The following SLC22A23 variants were observed in gnomAD, a reference collection of about 807,000 sequenced individuals.
SLC22A23 encodes the protein ion transporter protein.
Under a neutral mutation model 61.0 loss-of-function variants are expected in SLC22A23, and 26 were observed. The ratio of observed to expected loss-of-function variants is 0.43; its 90% confidence interval spans 0.31 to 0.59. The LOEUF is 0.59. Ranked by LOEUF, SLC22A23 falls within the 20% of genes least tolerant of loss-of-function variation. SLC22A23 has a pLI of 0.11. For missense variants in SLC22A23, 796 were observed against 934.7 expected (o/e 0.85, Z 1.94); for synonymous variants, 430 against 413.9 (o/e 1.04, Z -0.47).
intron 3 of SLC22A23, among the ~76,000 whole-genome samples, chr6:3,385,235 G>C (rs1216078322): frequency 6.6e-6 from 1 of 152,138 alleles, no homozygotes. Flanking sequence ...AAGATGGGCT[G>C]GGCACGGTGG....
chr6:3,371,667 G>C (rs1220903868), intron 3 of SLC22A23, among the ~76,000 whole-genome samples: 1 of 152,146 alleles, frequency 6.6e-6, no homozygotes, highest in East Asian at 1.9e-4. Context: ...CTAAGAATTA[G>C]ATACTGAAAC....
chr6:3,379,685 C>T (rs1407337108), intron 3 of SLC22A23, among the ~76,000 whole-genome samples: 1 of 152,142 alleles, frequency 6.6e-6, no homozygotes, highest in African/African-American at 2.4e-5. Flanking sequence ...ACCCTCGCTT[C>T]ATATCACCTT....
At chr6:3,401,679 G>A (rs1486581597) in intron 3 of SLC22A23, among the ~76,000 whole-genome samples, 1 of 152,112 alleles carries the variant, frequency 6.6e-6, no homozygotes, top group Non-Finnish European at 1.5e-5. Flanking sequence ...AACCAGCCTG[G>A]TCTGACTCTC....
At chr6:3,415,342 C>T (rs1260464993) in intron 2 of SLC22A23, among the ~76,000 whole-genome samples, 2 of 152,180 alleles carry the variant, frequency 1.3e-5, no homozygotes, top group Non-Finnish European at 2.9e-5. Context: ...CATTGCCTGA[C>T]TCATTCAGCT....
chr6:3,452,230 T>A (rs2127559978), intron 1 of SLC22A23, among the ~76,000 whole-genome samples: 1 of 152,296 alleles, frequency 6.6e-6, no homozygotes, highest in East Asian at 1.9e-4. Flanking sequence ...GAGGAGCATC[T>A]GTACCTGGTT....
intron 1 of SLC22A23, among the ~76,000 whole-genome samples, chr6:3,416,939 C>G (rs888494290): frequency 9.9e-5 from 15 of 152,136 alleles, no homozygotes; most frequent in African/African-American, 3.4e-4. Flanking sequence ...TGGGCTGACC[C>G]CTGATCCTAG....
At chr6:3,438,393 A>G (rs1026757486) in intron 1 of SLC22A23, 1 of 389,462 alleles carries the variant, frequency 2.6e-6, no homozygotes, top group Non-Finnish European at 5.1e-6. Flanking sequence ...CAGATGTTTC[A>G]CTGGGACTAG....
At chr6:3,277,582 G>A (rs1028512629) in intron 9 of SLC22A23, among the ~76,000 whole-genome samples, 1 of 152,194 alleles carries the variant, frequency 6.6e-6, no homozygotes, top group Non-Finnish European at 1.5e-5. Context: ...GGACACTTGT[G>A]TAGCCCGAAG....
chr6:3,445,916 A>G (rs117670028), intron 1 of SLC22A23, among the ~76,000 whole-genome samples: 2 of 152,256 alleles, frequency 1.3e-5, no homozygotes, highest in East Asian at 3.9e-4. Context: ...GAAGGCTTCA[A>G]GCAGGGAAGT....
chr6:3,427,246 A>G lies in SLC22A23; in HGVS notation c.655-11391T>C, dbSNP rs9405641. 0.31 allele frequency among the ~76,000 whole-genome samples: 47,297 copies of G among 151,748 alleles called. 8,257 individuals carry two copies. Among genetic ancestry groups the G allele is most frequent in the East Asian group, 0.47 (2,433 of 5,136 alleles). On this transcript the variant is annotated intron_variant, in intron 1 of 9. Coordinates refer to ENST00000406686, the MANE Select transcript of SLC22A23 (RefSeq NM_015482.2). The surrounding 1 kb of genome is among the most constrained non-coding windows in gnomAD (Gnocchi z 4.3). ...ATAACATCGGGAATGCGCCTGGTGCAGTAACCGGCACAAAGTGATTATTAC... is the reference window on the plus strand; with the variant it reads ...ATAACATCGGGAATGCGCCTGGTGCGGTAACCGGCACAAAGTGATTATTAC...
At chr6:3,361,628 A>G (rs957334230) in intron 3 of SLC22A23, among the ~76,000 whole-genome samples, 60 of 152,368 alleles carry the variant, frequency 3.9e-4, no homozygotes, top group African/African-American at 1.4e-3. Flanking sequence ...GTCTCTCTGC[A>G]TCAGCAACAC....
intron 5 of SLC22A23, chr6:3,291,665 T>A (rs1760606581): frequency 6.6e-6 from 1 of 152,222 alleles, no homozygotes; most frequent in Non-Finnish European, 1.5e-5. Context: ...TCTCCATGGT[T>A]AAAATAACTA....
chr6:3,289,707 C>T, intron 6 of SLC22A23, 57 bp downstream of exon 6: 4 of 1,469,284 alleles, frequency 2.7e-6, no homozygotes, highest in Non-Finnish European at 3.8e-6. Flanking sequence ...TTCACCACTC[C>T]CCACCTTCTT....
At chr6:3,307,269 G>A (rs1240451305) in intron 4 of SLC22A23, among the ~76,000 whole-genome samples, 4 of 152,198 alleles carry the variant, frequency 2.6e-5, no homozygotes, top group African/African-American at 7.2e-5. Context: ...CCACATTCCA[G>A]CAGAACTTGG....
chr6:3,422,939 C>T (rs1441935137), intron 1 of SLC22A23, among the ~76,000 whole-genome samples: 2 of 152,200 alleles, frequency 1.3e-5, no homozygotes, highest in Non-Finnish European at 2.9e-5. Context: ...CACCCCAGAG[C>T]CACACCGTTA....
intron 3 of SLC22A23, among the ~76,000 whole-genome samples, chr6:3,397,017 C>T (rs2127494117): frequency 6.6e-6 from 1 of 152,282 alleles, no homozygotes; most frequent in East Asian, 1.9e-4. Context: ...CACGCACGCC[C>T]ACCGGGGCTT....
At chr6:3,455,679 G>A (rs945919804) in intron 1 of SLC22A23, among the ~76,000 whole-genome samples, 9 of 152,246 alleles carry the variant, frequency 5.9e-5, no homozygotes, top group Admixed American at 5.9e-4. Context: ...TTCCATCCGC[G>A]TACTGGGACA....
At chr6:3,444,622 C>CGGCCTTGGCTAACCA (rs1283968574) in intron 1 of SLC22A23, among the ~76,000 whole-genome samples, 4 of 152,252 alleles carry the variant, frequency 2.6e-5, no homozygotes, top group Non-Finnish European at 5.9e-5. Context: ...CCCACTCTCC[C>CGGCCTTGGCTAACCA]GGCCTTGGCT....
At chr6:3,452,776 G>A (rs567188214) in intron 1 of SLC22A23, among the ~76,000 whole-genome samples, 108 of 152,224 alleles carry the variant, frequency 7.1e-4, no homozygotes, top group African/African-American at 2.5e-3. Flanking sequence ...CAGATTCTGC[G>A]ATGCAAATTC....
Sources: gnomAD v4.1 joint callset for allele counts (sites outside exome capture counted in the v4.1 genomes callset) on GRCh38, gnomAD v4.1.1 for gene constraint, Gnocchi (gnomAD v3.1) non-coding constraint, MANE v1.5 for transcripts, NCBI Gene and HGNC (gene_info 2026-07-23, HGNC 2026-07-21) for gene names.